EPB41L2: variants seen among roughly 807,000 people sequenced by gnomAD.
EPB41L2 encodes the protein band 4.1-like protein 2.
A neutral mutation model predicts 113.0 loss-of-function variants in EPB41L2; 43 were observed. The observed-to-expected ratio is 0.38, with a 90% CI of 0.30 to 0.49. The LOEUF (loss-of-function observed/expected upper bound fraction) is 0.49, where lower values mean the gene tolerates loss of function less well. EPB41L2 is among the 20% of genes least tolerant of loss of function. The pLI, the probability that EPB41L2 is intolerant of heterozygous loss-of-function variation, is 0.95. For missense variants in EPB41L2, 1,147 were observed against 1,223.4 expected (o/e 0.94, Z 0.93); for synonymous variants, 442 against 436.7 (o/e 1.01, Z -0.15).
intron 1 of EPB41L2, among the ~76,000 whole-genome samples, chr6:131,046,078 AT>A (rs36055181): frequency 0.5 from 62,428 of 123,978 alleles, 15,374 homozygotes; most frequent in South Asian, 0.61. Context: ...TCCGAAGCTA[AT>A]TTTTTTTTTT....
chr6:130,933,053 C>T (rs1300820849), intron 3 of EPB41L2, among the ~76,000 whole-genome samples: 4 of 152,178 alleles, frequency 2.6e-5, no homozygotes, highest in African/African-American at 9.7e-5. Context: ...AGGGCATTTC[C>T]AAATACATTT....
chr6:131,061,803 G>A (rs957112739), intron 1 of EPB41L2, among the ~76,000 whole-genome samples: 5 of 151,184 alleles, frequency 3.3e-5, no homozygotes, highest in African/African-American at 1.2e-4. Flanking sequence ...GTATTCCGTT[G>A]AAAAAAACAA....
chr6:130,864,272 T>C (rs752174828), intron 17 of EPB41L2, among the ~76,000 whole-genome samples: 6 of 152,256 alleles, frequency 3.9e-5, no homozygotes, highest in Admixed American at 2.0e-4. Context: ...ATTCTGAGCA[T>C]ACAAATTTAT....
At chr6:130,944,674 T>C (rs1326140952) in intron 3 of EPB41L2, among the ~76,000 whole-genome samples, 1 of 152,068 alleles carries the variant, frequency 6.6e-6, no homozygotes, top group African/African-American at 2.4e-5. Context: ...GTGGAGTTGG[T>C]AGGGTCAGAA....
chr6:130,895,177 G>A (rs1467097959), intron 8 of EPB41L2, 58 bp from the exon 9 acceptor site: 16 of 1,524,722 alleles, frequency 1.0e-5, no homozygotes, highest in Non-Finnish European at 1.3e-5. Context: ...CACAAATCAA[G>A]AAGCTAATTA....
intron 10 of EPB41L2, among the ~76,000 whole-genome samples, chr6:130,892,120 C>G (rs1793083369): frequency 6.6e-6 from 1 of 152,102 alleles, no homozygotes; most frequent in South Asian, 2.1e-4. Flanking sequence ...ATGAGGAGGC[C>G]TGAGGCTTTG....
intron 1 of EPB41L2, among the ~76,000 whole-genome samples, chr6:130,964,117 G>T (rs1774352477): frequency 6.6e-6 from 1 of 151,710 alleles, no homozygotes. Context: ...CGCCTGCCGG[G>T]TTCAAGCGAC....
At chr6:130,915,310 A>G (rs2039831) in intron 4 of EPB41L2, among the ~76,000 whole-genome samples, 64,564 of 152,098 alleles carry the variant, frequency 0.42, 16,225 homozygotes, top group Non-Finnish European at 0.53. Context: ...CTCAAAAAAA[A>G]AGAATATCAA....
intron 4 of EPB41L2, among the ~76,000 whole-genome samples, chr6:130,909,064 T>C (rs932335631): frequency 3.9e-5 from 6 of 152,194 alleles, no homozygotes; most frequent in Admixed American, 1.3e-4. Flanking sequence ...AAGTGTGTAC[T>C]ATAAGTAAAA....
At position 130,901,039 on chromosome 6, in the gene EPB41L2, G is replaced by T; in HGVS notation, c.1071C>A (p.Asp357Glu). The T allele has an allele frequency of 6.2e-7, 1 of 1,614,118 alleles. No homozygotes were observed. Residue 357 changes from aspartate (D) to glutamate (E), a missense_variant, in exon 7 of 20, where the codon GAC (aspartate) becomes GAA (glutamate). Transcript: ENST00000337057. ...TAGGGGCAAACTGGAATTCACTGAG[G>T]TCGATGCTGCCATGTTCTTCTGGGT... is the stretch of plus-strand genomic sequence containing the variant. ...DYDPEEHGSI[D>E]LSEFQFAPTQ...
chr6:130,920,195 C>T (rs1167676648), intron 4 of EPB41L2, among the ~76,000 whole-genome samples: 1 of 152,190 alleles, frequency 6.6e-6, no homozygotes, highest in East Asian at 1.9e-4. Context: ...AGTCAACTGT[C>T]ACCACTGTGC....
intron 1 of EPB41L2, among the ~76,000 whole-genome samples, chr6:131,038,869 A>C (rs1584711524): frequency 6.6e-6 from 1 of 152,222 alleles, no homozygotes; most frequent in East Asian, 1.9e-4. Context: ...ATAAGGATAA[A>C]ACTGAGCCAC....
chr6:130,847,572 C>G (rs942050827), intron 19 of EPB41L2, among the ~76,000 whole-genome samples: 1 of 152,190 alleles, frequency 6.6e-6, no homozygotes, highest in East Asian at 1.9e-4. Context: ...GGAAGAAGCA[C>G]TAATTCCCAT....
intron 1 of EPB41L2, among the ~76,000 whole-genome samples, chr6:130,957,865 A>G (rs1374009416): frequency 1.3e-5 from 2 of 152,128 alleles, no homozygotes; most frequent in Non-Finnish European, 2.9e-5. Flanking sequence ...ATTAGTAGTC[A>G]CTCTGCATTC....
chr6:130,974,254 G>T (rs1777589813), intron 1 of EPB41L2, among the ~76,000 whole-genome samples: 2 of 152,144 alleles, frequency 1.3e-5, no homozygotes, highest in Admixed American at 6.5e-5. Flanking sequence ...ACCATGAAGG[G>T]CACAGTAGAA....
intron 1 of EPB41L2, among the ~76,000 whole-genome samples, chr6:130,961,179 A>C (rs1773411470): frequency 6.6e-6 from 1 of 152,204 alleles, no homozygotes; most frequent in Non-Finnish European, 1.5e-5. Flanking sequence ...TAGTATAGTT[A>C]TATAATACAT....
At chr6:130,949,173 C>T (rs1166838243) in intron 3 of EPB41L2, among the ~76,000 whole-genome samples, 1 of 152,092 alleles carries the variant, frequency 6.6e-6, no homozygotes, top group Non-Finnish European at 1.5e-5. Flanking sequence ...ATTCTGACCA[C>T]GCTGTAACAT....
At chr6:130,923,500 G>C (rs1803578126) in intron 4 of EPB41L2, among the ~76,000 whole-genome samples, 1 of 152,106 alleles carries the variant, frequency 6.6e-6, no homozygotes, top group Non-Finnish European at 1.5e-5. Context: ...CTTCTTTCCA[G>C]TTTTTAAGCA....
intron 14 of EPB41L2, among the ~76,000 whole-genome samples, chr6:130,874,606 G>A (rs530019731): frequency 6.6e-6 from 1 of 152,198 alleles, no homozygotes; most frequent in Middle Eastern, 3.4e-3. Context: ...ACGGATGAAT[G>A]GATGATTGTA....
Sources: allele counts gnomAD v4.1 joint callset (sites outside exome capture counted in the v4.1 genomes callset), GRCh38; gene constraint gnomAD v4.1.1; transcripts MANE v1.5; gene names NCBI Gene and HGNC (gene_info 2026-07-23, HGNC 2026-07-21).